Variants in CDH12 observed in about 807,000 individuals in gnomAD.
The protein encoded by CDH12 is cadherin 12.
CDH12 carries 41 observed loss-of-function variants against 74.1 expected under a neutral mutation model. The observed-to-expected ratio is 0.55, with a 90% CI of 0.43 to 0.72. The LOEUF (loss-of-function observed/expected upper bound fraction) is 0.72, where lower values mean the gene tolerates loss of function less well. Among genes scored for constraint, CDH12 ranks in the 30% least tolerant of loss-of-function variants. The pLI is 0.00. For missense variants in CDH12, 945 were observed against 977.2 expected, an observed-to-expected ratio of 0.97 and a Z score of 0.44; for synonymous variants, 399 against 355.0, an observed-to-expected ratio of 1.12 and a Z score of -1.39.
chr5:22,849,677 C>T (rs577174691), intron 1 of CDH12, among the ~76,000 whole-genome samples: 3 of 152,140 alleles, frequency 2.0e-5, no homozygotes, highest in South Asian at 4.1e-4. Context: ...TAATGGGTAT[C>T]GGTGTACAGA....
At chr5:21,874,009 T>C (rs927750062) in intron 6 of CDH12, among the ~76,000 whole-genome samples, 21 of 152,226 alleles carry the variant, frequency 1.4e-4, no homozygotes, top group African/African-American at 5.1e-4. Context: ...CTATCATTGT[T>C]GGGCATTTGG....
intron 5 of CDH12, among the ~76,000 whole-genome samples, chr5:22,023,301 T>G (rs932754958): frequency 2.6e-5 from 4 of 152,118 alleles, no homozygotes; most frequent in Admixed American, 1.3e-4. Flanking sequence ...CACCTGGACA[T>G]TTTTTATTTT....
At chr5:21,771,002 C>G (rs1386798529) in intron 11 of CDH12, among the ~76,000 whole-genome samples, 1 of 152,010 alleles carries the variant, frequency 6.6e-6, no homozygotes, top group African/African-American at 2.4e-5. Flanking sequence ...TAAGTGGGAA[C>G]TAAACTTTGA....
chr5:22,364,067 G>A (rs906056103), intron 3 of CDH12, among the ~76,000 whole-genome samples: 2 of 152,174 alleles, frequency 1.3e-5, no homozygotes, highest in Admixed American at 1.3e-4. Context: ...GGTGTTGAAA[G>A]TGGCACCAAG....
intron 1 of CDH12, among the ~76,000 whole-genome samples, chr5:22,801,032 T>C (rs569442575): frequency 6.6e-6 from 1 of 152,286 alleles, no homozygotes; most frequent in Non-Finnish European, 1.5e-5. Flanking sequence ...TCTGTGAACA[T>C]AAGCTTTCAT....
chr5:21,772,331 G>T (rs1285023519), intron 11 of CDH12, among the ~76,000 whole-genome samples: 1 of 152,076 alleles, frequency 6.6e-6, no homozygotes, highest in Non-Finnish European at 1.5e-5. Flanking sequence ...AGGGGATAGT[G>T]AGAGACAGAG....
intron 4 of CDH12, among the ~76,000 whole-genome samples, chr5:22,103,714 AT>A (rs1192839838): frequency 6.6e-6 from 1 of 152,238 alleles, no homozygotes; most frequent in Non-Finnish European, 1.5e-5. Context: ...ATTGAAGGTT[AT>A]ATATCAAAGG....
At chr5:22,697,300 G>A (rs924094661) in intron 1 of CDH12, among the ~76,000 whole-genome samples, 5 of 152,038 alleles carry the variant, frequency 3.3e-5, no homozygotes, top group African/African-American at 7.2e-5. Context: ...AGCCGGGCGC[G>A]GTGCCTCACA....
chr5:22,390,575 GAGATAGATAGATAGATAGATAGAT>G (rs5866562), intron 3 of CDH12, among the ~76,000 whole-genome samples: 3 of 148,156 alleles, frequency 2.0e-5, no homozygotes, highest in African/African-American at 5.0e-5. Context: ...GATGGATGGA[GAGATAGATAGATAGATAGATAGAT>G]AGATAGATAG....
At chr5:22,052,641 A>C (rs1740455286) in intron 5 of CDH12, among the ~76,000 whole-genome samples, 1 of 152,152 alleles carries the variant, frequency 6.6e-6, no homozygotes, top group African/African-American at 2.4e-5. Context: ...CTTAATCAAC[A>C]AATTGTATTA....
intron 2 of CDH12, among the ~76,000 whole-genome samples, chr5:22,486,723 G>T (rs1411201006): frequency 6.6e-6 from 1 of 152,074 alleles, no homozygotes; most frequent in East Asian, 1.9e-4. Flanking sequence ...AAAGTGCTGG[G>T]ATTACAGGCA....
chr5:22,610,464 G>T (rs1737341242), intron 1 of CDH12, among the ~76,000 whole-genome samples: 1 of 152,028 alleles, frequency 6.6e-6, no homozygotes, highest in Non-Finnish European at 1.5e-5. Flanking sequence ...TGCAGATGTA[G>T]GATAATGCAG....
At chr5:22,167,327 C>T (rs1360824754) in intron 4 of CDH12, among the ~76,000 whole-genome samples, 1 of 152,154 alleles carries the variant, frequency 6.6e-6, no homozygotes, top group Non-Finnish European at 1.5e-5. Flanking sequence ...GCCAAGGCAT[C>T]GCTGAAAGAA....
intron 1 of CDH12, among the ~76,000 whole-genome samples, chr5:22,748,643 A>G (rs1745408991): frequency 6.6e-6 from 1 of 152,176 alleles, no homozygotes; most frequent in Admixed American, 6.5e-5. Flanking sequence ...TGTATAGAGT[A>G]CACCAAGGAC....
rs79444564 is a variant in CDH12, at chr5:22,454,103, AT to A, written c.-427-48753del. Among the ~76,000 whole-genome samples the A allele has an allele frequency of 8.7e-3, 1,327 of 152,208 alleles. 83 individuals carry two copies. In the East Asian group the frequency reaches 0.16, roughly 18 times the overall value. ...TATTAACATATAATTTATTCTCTGA[AT>A]TTTCCTTCTCTCTCATTAAACTTAC... On this transcript the variant is annotated intron_variant, in intron 2 of 14. Transcript: ENST00000382254.
intron 3 of CDH12, among the ~76,000 whole-genome samples, chr5:22,344,924 G>A (rs1740044565): frequency 6.6e-6 from 1 of 152,074 alleles, no homozygotes; most frequent in South Asian, 2.1e-4. Context: ...TCTCACTAAG[G>A]TAGTCAGAAA....
intron 1 of CDH12, among the ~76,000 whole-genome samples, chr5:22,681,111 A>G (rs1741460912): frequency 6.6e-6 from 1 of 152,016 alleles, no homozygotes; most frequent in Non-Finnish European, 1.5e-5. Context: ...CCCTTGAATT[A>G]TTTTCAAATA....
chr5:22,218,781 T>C (rs1046663283), intron 3 of CDH12, among the ~76,000 whole-genome samples: 3 of 151,758 alleles, frequency 2.0e-5, no homozygotes, highest in African/African-American at 7.2e-5. Context: ...ATTTCTTCTT[T>C]AATAAAACAG....
At position 21,752,133 on chromosome 5, in the gene CDH12, T is replaced by C. The variant is rs765153587; in HGVS notation, c.1989A>G (p.Glu663=). 8.7e-6 allele frequency: 14 copies of C among 1,614,122 alleles called. No individual in the cohort carries two copies. In the Middle Eastern group the frequency reaches 1.2e-3, roughly 133 times the overall value. The part of the protein sequence containing the change: ...IRDNVIHYDD[E]GGGEEDTQAF... ...CCTGGGTATCTTCCTCCCCACCTCC[T>C]TCATCATCGTAATGGATGACGTTGT... Residue 663 remains glutamate (E), a synonymous_variant, in exon 15 of 15, where the codon GAA becomes GAG. Coordinates refer to ENST00000382254, the MANE Select transcript of CDH12 (RefSeq NM_004061.5).
Sources: gnomAD v4.1 joint callset for allele counts (sites outside exome capture counted in the v4.1 genomes callset) on GRCh38, gnomAD v4.1.1 for gene constraint, MANE v1.5 for transcripts, NCBI Gene and HGNC (gene_info 2026-07-23, HGNC 2026-07-21) for gene names.